The following BET1 variants were observed in gnomAD, a reference collection of about 807,000 sequenced individuals.
BET1 encodes the protein Bet1 golgi vesicular membrane trafficking protein, also known as BET1 homolog.
In BET1, 9 loss-of-function variants were observed where a neutral mutation model predicts 13.9. The ratio of observed to expected loss-of-function variants is 0.65; its 90% CI spans 0.39 to 1.13. BET1 has a LOEUF of 1.13. Ranked by LOEUF, BET1 falls within the 50% of genes most tolerant of loss-of-function variation. The pLI is 0.01. For synonymous variants in BET1, 39 were observed against 47.3 expected (o/e 0.82, Z 0.72); for missense variants, 127 against 133.6 (o/e 0.95, Z 0.24).
At position 94,004,338 on chromosome 7, in the gene BET1, A is replaced by C; in HGVS notation, c.-122T>G. 3.0e-6 allele frequency: 4 copies of C among 1,350,890 alleles called. No individual in the cohort carries two copies. The highest frequency in any genetic ancestry group is 4.2e-6 in the Non-Finnish European group (4 of 947,992). 83.7% of individuals were successfully genotyped at this position (1,350,890 alleles called of 1,614,324 possible). ...AGCGAAACACCAACTTCTTCCCCTA[A>C]AGCGCCACGACATCAGTGGAGTCTA... On this transcript the variant is annotated 5_prime_UTR_variant, in exon 1 of 4. Transcript: ENST00000222547.
intron 3 of BET1, among the ~76,000 whole-genome samples, chr7:93,994,937 A>G (rs933049302): frequency 6.6e-6 from 1 of 152,156 alleles, no homozygotes; most frequent in Non-Finnish European, 1.5e-5. Context: ...TCTGCCTCCC[A>G]GGTTCAAGTG....
chr7:93,971,163 ATACT>A (rs879470303), intron 6 of BET1, among the ~76,000 whole-genome samples: 1 of 151,856 alleles, frequency 6.6e-6, no homozygotes, highest in Admixed American at 6.6e-5. Flanking sequence ...ACTGTAAATA[ATACT>A]TAAGCAGAAA....
chr7:94,004,220 G>A lies in BET1; in HGVS notation c.-4C>T. The A allele has an allele frequency of 6.2e-7, 1 of 1,614,036 alleles. No homozygotes were observed. On this transcript the variant is annotated 5_prime_UTR_variant, in exon 1 of 4. Coordinates refer to ENST00000222547, the MANE Select transcript of BET1 (RefSeq NM_005868.6). ...TACCCAGGCCTGCACGCCTCATCCTGCCAGAGGAGAGAGAGAAAAGGCGGG... is the reference window on the plus strand; with the variant it reads ...TACCCAGGCCTGCACGCCTCATCCTACCAGAGGAGAGAGAGAAAAGGCGGG...
In BET1 at chr7:93,996,323, T is replaced by G. The variant is rs149876149; in HGVS notation, c.145-2A>C. On this transcript the variant is annotated splice_acceptor_variant, in intron 2 of 3. Transcript: ENST00000222547. LOFTEE classifies it high-confidence loss of function. ...TTCATGGCCTATTTCAATGGAAAGC[T>G]ATAAAGAAGAAGGTATACACAGGAT... 1 of 1,566,238 alleles carries G rather than the reference T, an allele frequency of 6.4e-7. No individual in the cohort carries two copies. The highest frequency in any genetic ancestry group is 8.7e-7 in the Non-Finnish European group (1 of 1,152,324).
chr7:93,998,047 AG>A (rs1433492141), intron 2 of BET1, among the ~76,000 whole-genome samples: 5 of 152,176 alleles, frequency 3.3e-5, no homozygotes, highest in Non-Finnish European at 7.3e-5. Context: ...TGATCTAAGA[AG>A]GAAGTGGAGG....
At chr7:93,988,709 C>T (rs1795572474), downstream of BET1, among the ~76,000 whole-genome samples, 1 of 151,900 alleles carries the variant, frequency 6.6e-6, no homozygotes, top group South Asian at 2.1e-4. Flanking sequence ...TTCATACTGC[C>T]CATCTGCCCT....
intron 4 of BET1, among the ~76,000 whole-genome samples, chr7:93,976,372 A>G (rs1346528568): frequency 3.0e-5 from 4 of 131,544 alleles, no homozygotes; most frequent in African/African-American, 3.1e-5. Flanking sequence ...GTGTGTGTGT[A>G]AACATACATT....
At chr7:93,972,894 CTG>C (rs1795280003) in intron 5 of BET1, among the ~76,000 whole-genome samples, 1 of 150,082 alleles carries the variant, frequency 6.7e-6, no homozygotes, top group South Asian at 2.1e-4. Flanking sequence ...ATGGAGGAAA[CTG>C]TACATTTCAG....
At chr7:93,973,998 CA>C (rs1795299370) in intron 5 of BET1, among the ~76,000 whole-genome samples, 1 of 151,576 alleles carries the variant, frequency 6.6e-6, no homozygotes, top group Non-Finnish European at 1.5e-5. Context: ...AATTTGTTCC[CA>C]AATGGGTACA....
intron 3 of BET1, 36 bp from the exon 4 acceptor site, chr7:93,994,421 A>C: frequency 1.3e-6 from 2 of 1,582,386 alleles, no homozygotes; most frequent in Admixed American, 3.5e-5. Context: ...TATCACAGTT[A>C]GATTCTAAGA....
intron 2 of BET1, among the ~76,000 whole-genome samples, chr7:93,998,365 C>T (rs1032620814): frequency 2.6e-5 from 4 of 152,092 alleles, no homozygotes; most frequent in African/African-American, 9.7e-5. Context: ...AAAACAGGAA[C>T]AGATAGGTTA....
chr7:93,967,380 G>A (rs1354908079), intron 6 of BET1, among the ~76,000 whole-genome samples: 1 of 151,726 alleles, frequency 6.6e-6, no homozygotes, highest in African/African-American at 2.4e-5. Context: ...AGGCAATATT[G>A]TATTTAACTA....
Position 93,996,327 on chromosome 7 carries a change from A to T in BET1, c.145-6T>A. 1 of 1,562,536 alleles carries T rather than the reference A, an allele frequency of 6.4e-7. No homozygotes were observed. The highest frequency in any genetic ancestry group is 8.7e-7 in the Non-Finnish European group (1 of 1,148,600). ...TGGCCTATTTCAATGGAAAGCTATA[A>T]AGAAGAAGGTATACACAGGATTACT... is the stretch of plus-strand genomic sequence containing the variant. On this transcript the variant is annotated splice_region_variant and splice_polypyrimidine_tract_variant and intron_variant, in intron 2 of 3. Transcript: ENST00000222547.
chr7:93,999,003 A>C (rs1189988022), intron 2 of BET1, among the ~76,000 whole-genome samples, 167 bp downstream of exon 2: 1 of 152,184 alleles, frequency 6.6e-6, no homozygotes, highest in East Asian at 1.9e-4. Flanking sequence ...ACATTTTTTA[A>C]CTTACTCAAA....
At chr7:94,002,399 T>G (rs1194309951) in intron 1 of BET1, among the ~76,000 whole-genome samples, 1 of 147,210 alleles carries the variant, frequency 6.8e-6, no homozygotes, top group African/African-American at 2.6e-5. Context: ...ATGTAAATTA[T>G]AGCAATAGTA....
At chr7:93,992,741 G>C, downstream of BET1, 1 of 940,292 alleles carries the variant, frequency 1.1e-6, no homozygotes, top group Non-Finnish European at 1.3e-6. Flanking sequence ...TCGCATACCA[G>C]GCACTTTACA....
intron 6 of BET1, among the ~76,000 whole-genome samples, chr7:93,968,743 T>C (rs949028950): frequency 3.3e-5 from 5 of 151,738 alleles, no homozygotes; most frequent in Admixed American, 1.3e-4. Context: ...AAATTTATAA[T>C]CTGTTATCAA....
At chr7:93,997,040 T>TGA (rs1795786158) in intron 2 of BET1, among the ~76,000 whole-genome samples, 2 of 152,088 alleles carry the variant, frequency 1.3e-5, no homozygotes, top group Admixed American at 1.3e-4. Flanking sequence ...ACTTACTTCC[T>TGA]GAAGCTCTGA....
chr7:93,986,842 C>A (rs1189471161), intron 4 of BET1, among the ~76,000 whole-genome samples: 1 of 152,130 alleles, frequency 6.6e-6, no homozygotes, highest in African/African-American at 2.4e-5. Context: ...AATGCATTAC[C>A]TTTTCTATGA....
Sources: allele counts gnomAD v4.1 joint callset (sites outside exome capture counted in the v4.1 genomes callset), GRCh38; gene constraint gnomAD v4.1.1; transcripts MANE v1.5; gene names NCBI Gene and HGNC (gene_info 2026-07-23, HGNC 2026-07-21).